Variants in AK9 observed in about 807,000 individuals in gnomAD.
AK9 encodes adenylate kinase 9.
In AK9, 191 loss-of-function variants were observed where a neutral mutation model predicts 239.6. The ratio of observed to expected loss-of-function variants is 0.80; its 90% CI spans 0.71 to 0.90. The LOEUF is 0.90. Ranked by LOEUF, AK9 falls within the 40% of genes least tolerant of loss-of-function variation. The pLI is 0.00. For synonymous variants in AK9, 689 were observed against 721.0 expected (o/e 0.96, Z 0.71); for missense variants, 1,995 against 2,214.7 (o/e 0.90, Z 1.99).
chr6:109,578,472 C>A (rs1788410278), intron 20 of AK9, among the ~76,000 whole-genome samples: 1 of 152,074 alleles, frequency 6.6e-6, no homozygotes, highest in African/African-American at 2.4e-5. Flanking sequence ...AAAGAACCAG[C>A]TTTTTGTTTC....
intron 29 of AK9, chr6:109,527,626 C>A (rs1297858686): frequency 6.6e-6 from 1 of 151,986 alleles, no homozygotes; most frequent in Non-Finnish European, 1.5e-5. Flanking sequence ...AAAAACCCCA[C>A]ATACAGTTTT....
chr6:109,509,115 C>A, intron 33 of AK9, 64 bp downstream of exon 33: 2 of 1,450,378 alleles, frequency 1.4e-6, no homozygotes, highest in South Asian at 1.3e-5. Context: ...TTTTAAATCA[C>A]GAGCGAGCAG....
chr6:109,573,378 T>G (rs983749054), intron 21 of AK9, 64 bp downstream of exon 21: 3 of 1,468,336 alleles, frequency 2.0e-6, no homozygotes, highest in Admixed American at 4.9e-5. Context: ...TACATACACA[T>G]ACCCAAACAG....
intron 20 of AK9, among the ~76,000 whole-genome samples, chr6:109,578,267 C>T (rs973578553): frequency 6.6e-6 from 1 of 151,852 alleles, no homozygotes; most frequent in African/African-American, 2.4e-5. Context: ...TGGGGTTTCG[C>T]CATGTTGGCC....
At position 109,614,214 on chromosome 6, in the gene AK9, G is replaced by A; in HGVS notation, c.1578C>T (p.Leu526=). ...EEAKTKSENV[L]HDQAAKVDKD... ...TATCAACTTTAGCAGCTTGATCATG[G>A]AGGACATTTTCTGACTTTGTTTTGG... Residue 526 remains leucine (L), a synonymous_variant, in exon 15 of 41, where the codon CTC becomes CTT. Coordinates refer to ENST00000424296, the MANE Select transcript of AK9 (RefSeq NM_001145128.3). 1.3e-6 allele frequency: 2 copies of A among 1,551,260 alleles called. No individual in the cohort carries two copies. Among genetic ancestry groups the A allele is most frequent in the Non-Finnish European group, 1.7e-6 (2 of 1,146,722 alleles).
rs529689534 is a variant in AK9, at chr6:109,549,247, G to T, written c.2964+843C>A. Among the ~76,000 whole-genome samples the T allele has an allele frequency of 2.0e-5, 3 of 152,282 alleles. No individual in the cohort carries two copies. The South Asian group carries it at 6.2e-4, about 32-fold the overall frequency. ...TACATTTTTGCAATCCAACCAACCA[G>T]TGTCAGCCCTCACTCTCGAAACTCA... is the stretch of plus-strand genomic sequence containing the variant. On this transcript the variant is annotated intron_variant, in intron 25 of 40. Coordinates refer to ENST00000424296, the MANE Select transcript of AK9 (RefSeq NM_001145128.3).
chr6:109,557,946 T>C (rs1161407412), intron 24 of AK9, among the ~76,000 whole-genome samples: 2 of 152,216 alleles, frequency 1.3e-5, no homozygotes, highest in East Asian at 1.9e-4. Context: ...CACTATCTAA[T>C]AGTGTCTCAT....
intron 38 of AK9, among the ~76,000 whole-genome samples, chr6:109,497,013 C>G (rs1009961189): frequency 6.6e-6 from 1 of 152,126 alleles, no homozygotes; most frequent in African/African-American, 2.4e-5. Context: ...CCACCTCCAG[C>G]CTCGCCTTCA....
chr6:109,691,131 T>G lies in AK9; in HGVS notation c.-12+16A>C. 2 of 527,042 alleles carry G rather than the reference T, an allele frequency of 3.8e-6. No homozygotes were observed. Among genetic ancestry groups the G allele is most frequent in the South Asian group, 4.9e-5 (2 of 40,446 alleles). The allele number at this position is 527,042 out of a possible 1,614,324, so 32.6% of individuals were successfully genotyped here. On this transcript the variant is annotated intron_variant, in intron 1 of 40. Coordinates refer to ENST00000424296, the MANE Select transcript of AK9 (RefSeq NM_001145128.3). ...CGTCGACTTTTTCTCCGCCCATGTT[T>G]TCCTCCAATCCTTACCAAAGATGGT...
At chr6:109,500,199 C>A (rs1400335271) in intron 35 of AK9, among the ~76,000 whole-genome samples, 2 of 152,036 alleles carry the variant, frequency 1.3e-5, no homozygotes, top group Non-Finnish European at 2.9e-5. Context: ...TCTCCCTGTG[C>A]CCAGATCCCA....
chr6:109,580,342 G>C (rs879274921), intron 19 of AK9, among the ~76,000 whole-genome samples: 37 of 152,248 alleles, frequency 2.4e-4, no homozygotes, highest in Admixed American at 1.7e-3. Context: ...CGGAAAGTTA[G>C]TAAAATGCTG....
At chr6:109,525,594 C>T (rs1291023483) in intron 29 of AK9, among the ~76,000 whole-genome samples, 1 of 152,106 alleles carries the variant, frequency 6.6e-6, no homozygotes, top group Non-Finnish European at 1.5e-5. Flanking sequence ...AAATGCAAAT[C>T]GAAAACACAG....
At chr6:109,527,697 T>C (rs1780692409) in intron 29 of AK9, 1 of 152,160 alleles carries the variant, frequency 6.6e-6, no homozygotes, top group African/African-American at 2.4e-5. Flanking sequence ...ATCAGTTTTG[T>C]GGGATACACA....
chr6:109,649,445 A>G (rs1798584927), intron 8 of AK9, among the ~76,000 whole-genome samples: 1 of 151,204 alleles, frequency 6.6e-6, no homozygotes, highest in Admixed American at 6.6e-5. Context: ...TTATACACCA[A>G]TAACAGAGAG....
At chr6:109,573,323 G>A in intron 21 of AK9, 119 bp downstream of exon 21, 3 of 1,097,708 alleles carry the variant, frequency 2.7e-6, no homozygotes, top group Non-Finnish European at 3.7e-6. Flanking sequence ...CTCTCTGGGG[G>A]CTCATCTCTC....
At chr6:109,516,137 C>T (rs1779254147) in intron 30 of AK9, 62 bp from the exon 31 acceptor site, 2 of 1,376,778 alleles carry the variant, frequency 1.5e-6, no homozygotes, top group Non-Finnish European at 1.0e-6. Context: ...AGTATTTAGT[C>T]ACAGCATGTA....
intron 19 of AK9, among the ~76,000 whole-genome samples, chr6:109,583,083 T>A (rs1471644570): frequency 1.3e-5 from 2 of 152,312 alleles, no homozygotes; most frequent in Middle Eastern, 3.4e-3. Flanking sequence ...ATAACTTTTA[T>A]ATGCACTGGG....
chr6:109,574,319 A>T (rs1342716678), intron 20 of AK9, among the ~76,000 whole-genome samples: 1 of 152,156 alleles, frequency 6.6e-6, no homozygotes, highest in Non-Finnish European at 1.5e-5. Flanking sequence ...GGTTGCAGTG[A>T]GCTGAGATTG....
intron 1 of AK9, among the ~76,000 whole-genome samples, chr6:109,678,277 A>G (rs1053406727): frequency 6.6e-6 from 1 of 152,216 alleles, no homozygotes; most frequent in Non-Finnish European, 1.5e-5. Flanking sequence ...ATCAATCTCT[A>G]AAGAATTAAA....
Sources: allele counts gnomAD v4.1 joint callset (sites outside exome capture counted in the v4.1 genomes callset), GRCh38; gene constraint gnomAD v4.1.1; transcripts MANE v1.5; gene names NCBI Gene and HGNC (gene_info 2026-07-23, HGNC 2026-07-21).